Variants in TIA1 observed in about 807,000 individuals in gnomAD.
TIA1 encodes the protein TIA1 cytotoxic granule associated RNA binding protein.
TIA1 carries 23 observed loss-of-function variants against 65.9 expected under a neutral mutation model. The observed-to-expected ratio is 0.35, with a 90% CI of 0.25 to 0.49. The LOEUF (loss-of-function observed/expected upper bound fraction) is 0.49. Ranked by LOEUF, TIA1 falls within the 20% of genes least tolerant of loss-of-function variation. The pLI is 0.98. For synonymous variants in TIA1, 147 were observed against 149.4 expected (o/e 0.98, Z 0.12); for missense variants, 371 against 477.9 (o/e 0.78, Z 2.09).
In TIA1 at chr2:70,212,637, T is replaced by C. The variant is rs1163338752; in HGVS notation, c.*82A>G. The C allele has an allele frequency of 7.2e-6, 6 of 827,952 alleles. No homozygotes were observed. Among genetic ancestry groups the C allele is most frequent in the Non-Finnish European group, 1.3e-5 (6 of 472,994 alleles). The allele number at this position is 827,952 out of a possible 1,614,324, so 51.3% of individuals were successfully genotyped here. A position where few individuals can be genotyped will look rare whatever the true frequency, so the allele number is the denominator to read the frequency against. ...GTATCTGACATTTGCACTGACTGATTTGATAAATCTTTAAGTAAACAACGG... is the reference window on the plus strand; with the variant it reads ...GTATCTGACATTTGCACTGACTGATCTGATAAATCTTTAAGTAAACAACGG... On this transcript the variant is annotated 3_prime_UTR_variant, in exon 13 of 13. Transcript: ENST00000433529.
intron 2 of TIA1, among the ~76,000 whole-genome samples, chr2:70,235,573 T>C (rs865789680): frequency 6.6e-6 from 1 of 151,822 alleles, no homozygotes. Flanking sequence ...TGTGTGTGTA[T>C]GTGTGTGTGT....
At chr2:70,233,797 A>T (rs1025501391) in intron 2 of TIA1, among the ~76,000 whole-genome samples, 6 of 152,126 alleles carry the variant, frequency 3.9e-5, no homozygotes, top group African/African-American at 7.2e-5. Flanking sequence ...ACTTGCATTT[A>T]AGAGTAAATA....
chr2:70,244,781 GC>G (rs1425773856), intron 1 of TIA1, among the ~76,000 whole-genome samples: 1 of 134,426 alleles, frequency 7.4e-6, no homozygotes, highest in Non-Finnish European at 1.5e-5. Context: ...CTTGCAGTGA[GC>G]CAAGATTGGG....
intron 2 of TIA1, among the ~76,000 whole-genome samples, chr2:70,232,830 C>T (rs952334020): frequency 7.9e-5 from 12 of 151,722 alleles, no homozygotes; most frequent in African/African-American, 2.2e-4. Context: ...GATGGTGCCA[C>T]TGGATTCCAG....
chr2:70,227,033 C>A (rs2104360291), intron 6 of TIA1, among the ~76,000 whole-genome samples: 1 of 152,178 alleles, frequency 6.6e-6, no homozygotes, highest in African/African-American at 2.4e-5. Flanking sequence ...AATAACAGAG[C>A]AAGCAGAAAC....
chr2:70,228,270 A>G, intron 5 of TIA1: 6 of 1,180,100 alleles, frequency 5.1e-6, no homozygotes, highest in Non-Finnish European at 6.5e-6. Context: ...CTCAGTTAAC[A>G]CAATTTACTG....
Position 70,210,701 on chromosome 2 carries a change from A to G in TIA1, c.*2018T>C, listed in dbSNP as rs562683449. ...TTAATAAGAGAACAATGAGGGTCCT[A>G]AAGTAGAAACATAAGCCAGAAGAAA... On this transcript the variant is annotated 3_prime_UTR_variant, in exon 13 of 13. Coordinates refer to ENST00000433529, the MANE Select transcript of TIA1 (RefSeq NM_022173.4). The G allele has an allele frequency of 6.6e-6, 1 of 152,316 alleles. No individual in the cohort carries two copies. Among genetic ancestry groups the G allele is most frequent in the Admixed American group, 6.5e-5 (1 of 15,298 alleles). The allele number at this position is 152,316 out of a possible 1,614,324, so 9.4% of individuals were successfully genotyped here.
chr2:70,220,503 A>G (rs1348567650), intron 7 of TIA1, among the ~76,000 whole-genome samples: 1 of 152,208 alleles, frequency 6.6e-6, no homozygotes, highest in African/African-American at 2.4e-5. Context: ...CTACAAGCCA[A>G]TGAATGCCAA....
At chr2:70,236,009 T>C in intron 2 of TIA1, 70 bp downstream of exon 2, 2 of 907,356 alleles carry the variant, frequency 2.2e-6, no homozygotes, top group Non-Finnish European at 3.4e-6. Context: ...TAAGAATTCC[T>C]TCCAAGCAAT....
intron 1 of TIA1, among the ~76,000 whole-genome samples, chr2:70,237,572 T>C (rs1435998927): frequency 6.6e-6 from 1 of 150,400 alleles, no homozygotes; most frequent in Non-Finnish European, 1.5e-5. Context: ...TAAAATATCT[T>C]ATACAATAAT....
rs1195729533 is a variant in TIA1 at position 70,210,663 on chromosome 2, G to T, written c.*2056C>A. On this transcript the variant is annotated 3_prime_UTR_variant, in exon 13 of 13. Transcript: ENST00000433529. ...ACCCTGCAGTCCATGAGATGCACAG[G>T]AAATAATTTTTTTTAATAAGAGAAC... The T allele has an allele frequency of 6.6e-6, 1 of 152,078 alleles. No individual in the cohort carries two copies. Among genetic ancestry groups the T allele is most frequent in the Non-Finnish European group, 1.5e-5 (1 of 68,014 alleles). The allele number at this position is 152,078 out of a possible 1,614,324, so 9.4% of individuals were successfully genotyped here.
chr2:70,223,042 T>C (rs780520101), intron 7 of TIA1, among the ~76,000 whole-genome samples: 3 of 152,258 alleles, frequency 2.0e-5, no homozygotes, highest in Non-Finnish European at 4.4e-5. Flanking sequence ...GCTATTTGAC[T>C]CTAGTTCATA....
chr2:70,212,435 A>C lies in TIA1; in HGVS notation c.*284T>G, dbSNP rs1051969727. ...ATTGTGCAATTTTCTGCCTCTTAAT[A>C]GTTAAAAAGTGGCAGCAATCCCTGC... On this transcript the variant is annotated 3_prime_UTR_variant, in exon 13 of 13. Coordinates refer to ENST00000433529, the MANE Select transcript of TIA1 (RefSeq NM_022173.4). The C allele has an allele frequency of 4.7e-5, 13 of 276,950 alleles. No homozygotes were observed. Among genetic ancestry groups the C allele is most frequent in the East Asian group, 1.5e-4 (2 of 13,242 alleles). 17.2% of individuals were successfully genotyped at this position (276,950 alleles called of 1,614,324 possible). A position where few individuals can be genotyped will look rare whatever the true frequency, so the allele number is the denominator to read the frequency against.
intron 1 of TIA1, among the ~76,000 whole-genome samples, chr2:70,242,991 T>G (rs1245586713): frequency 6.6e-6 from 1 of 152,206 alleles, no homozygotes; most frequent in Non-Finnish European, 1.5e-5. Flanking sequence ...GCAGTGATAT[T>G]TATTGCTCTA....
intron 7 of TIA1, among the ~76,000 whole-genome samples, chr2:70,222,394 C>T (rs537792451): frequency 6.6e-6 from 1 of 152,240 alleles, no homozygotes; most frequent in South Asian, 2.1e-4. Flanking sequence ...AGAAGCAAAA[C>T]CACCTGAACT....
At chr2:70,232,605 A>C (rs1180417178) in intron 2 of TIA1, among the ~76,000 whole-genome samples, 1 of 149,278 alleles carries the variant, frequency 6.7e-6, no homozygotes, top group East Asian at 2.0e-4. Context: ...ACAGTAGCTC[A>C]TGCCTGTAAT....
intron 2 of TIA1, among the ~76,000 whole-genome samples, chr2:70,234,812 G>C (rs1039727853): frequency 6.6e-6 from 1 of 151,782 alleles, no homozygotes; most frequent in African/African-American, 2.4e-5. Flanking sequence ...TGCCTGCCTC[G>C]GCCTCCCAAA....
chr2:70,224,737 C>T, intron 6 of TIA1, 108 bp from the exon 7 acceptor site: 1 of 1,469,422 alleles, frequency 6.8e-7, no homozygotes, highest in Non-Finnish European at 9.0e-7. Context: ...TTAAAGTGAA[C>T]CTTTAATGCA....
chr2:70,234,336 C>T (rs1687839516), intron 2 of TIA1, among the ~76,000 whole-genome samples: 1 of 152,166 alleles, frequency 6.6e-6, no homozygotes, highest in Non-Finnish European at 1.5e-5. Flanking sequence ...TAAGGAAAGA[C>T]TGGTTTTAAA....
Sources: gnomAD v4.1 joint callset for allele counts (sites outside exome capture counted in the v4.1 genomes callset) on GRCh38, gnomAD v4.1.1 for gene constraint, MANE v1.5 for transcripts, NCBI Gene and HGNC (gene_info 2026-07-23, HGNC 2026-07-21) for gene names.